The following ZNF385D variants were observed in gnomAD, a reference collection of about 807,000 sequenced individuals.
The protein encoded by ZNF385D is zinc finger protein 659.
Under a neutral mutation model 35.8 loss-of-function variants are expected in ZNF385D, and 15 were observed. The observed-to-expected ratio is 0.42, with a 90% CI of 0.28 to 0.64. The LOEUF is 0.64. ZNF385D is among the 30% of genes least tolerant of loss of function. The pLI is 0.23. For missense variants in ZNF385D, 474 were observed against 494.6 expected (o/e 0.96, Z 0.39); for synonymous variants, 212 against 186.8 (o/e 1.13, Z -1.10).
At chr3:21,773,169 T>C (rs141720259) in intron 3 of ZNF385D, among the ~76,000 whole-genome samples, 8 of 152,022 alleles carry the variant, frequency 5.3e-5, no homozygotes, top group Non-Finnish European at 7.4e-5. Context: ...TTTAATACCA[T>C]TGAACTGTAC....
At chr3:21,736,834 T>A (rs1213631587) in intron 1 of ZNF385D, among the ~76,000 whole-genome samples, 2 of 152,250 alleles carry the variant, frequency 1.3e-5, no homozygotes, top group African/African-American at 2.4e-5. Flanking sequence ...ATTATTCTAC[T>A]TTTTAATGAT....
At chr3:22,356,861 A>C (rs1008459121) in intron 2 of ZNF385D, among the ~76,000 whole-genome samples, 3 of 151,946 alleles carry the variant, frequency 2.0e-5, no homozygotes, top group Non-Finnish European at 1.5e-5. Flanking sequence ...AGAAAGAATA[A>C]GATAATATCA....
chr3:21,476,478 T>A (rs1704258879), intron 4 of ZNF385D, among the ~76,000 whole-genome samples: 1 of 152,084 alleles, frequency 6.6e-6, no homozygotes, highest in Admixed American at 6.6e-5. Context: ...TTGAGCTCAA[T>A]TATCTCCCTC....
At chr3:21,662,314 TTGA>T (rs1041846882) in intron 2 of ZNF385D, among the ~76,000 whole-genome samples, 8 of 152,128 alleles carry the variant, frequency 5.3e-5, no homozygotes, top group African/African-American at 1.9e-4. Flanking sequence ...GATAAATAAC[TTGA>T]TGATCAGAGG....
At chr3:21,732,019 CTTTTTTCGGGGTTTTTTTT>C (rs2069021867) in intron 1 of ZNF385D, among the ~76,000 whole-genome samples, 1 of 58,638 alleles carries the variant, frequency 1.7e-5, no homozygotes, top group Admixed American at 1.5e-4. Flanking sequence ...GGGTTTTTTT[CTTTTTTCGGGGTTTTTTTT>C]TTTTTTTTTT....
intron 3 of ZNF385D, among the ~76,000 whole-genome samples, chr3:21,822,759 TATA>T (rs1694347629): frequency 6.6e-6 from 1 of 151,878 alleles, no homozygotes; most frequent in South Asian, 2.1e-4. Context: ...AGAAATAAAG[TATA>T]ATGATATTCA....
intron 3 of ZNF385D, among the ~76,000 whole-genome samples, chr3:21,533,188 A>ATCT (rs1490363625): frequency 4.6e-5 from 7 of 151,752 alleles, no homozygotes; most frequent in Non-Finnish European, 1.0e-4. Flanking sequence ...GCAGCTCTAA[A>ATCT]TCTTCCCAAT....
intron 2 of ZNF385D, among the ~76,000 whole-genome samples, chr3:21,656,714 C>T (rs2066081477): frequency 6.6e-6 from 1 of 151,836 alleles, no homozygotes; most frequent in Non-Finnish European, 1.5e-5. Context: ...TCAGGAGTCC[C>T]AGTTTTCTCT....
intron 2 of ZNF385D, among the ~76,000 whole-genome samples, chr3:22,210,890 T>C (rs1697476205): frequency 6.6e-6 from 1 of 151,968 alleles, no homozygotes; most frequent in Non-Finnish European, 1.5e-5. Flanking sequence ...ATCAAATGAC[T>C]GATTCAGCAA....
intron 3 of ZNF385D, among the ~76,000 whole-genome samples, chr3:21,531,859 C>A (rs567876038): frequency 1.2e-4 from 19 of 152,136 alleles, no homozygotes; most frequent in Admixed American, 2.6e-4. Context: ...ATATACGACA[C>A]CAATTACGAA....
intron 1 of ZNF385D, among the ~76,000 whole-genome samples, chr3:21,695,619 C>G (rs1253005593): frequency 6.6e-6 from 1 of 152,044 alleles, no homozygotes; most frequent in Non-Finnish European, 1.5e-5. Context: ...TGATCCTTAC[C>G]ATGCTCTACA....
intron 3 of ZNF385D, among the ~76,000 whole-genome samples, chr3:21,557,087 T>C (rs570183743): frequency 6.6e-6 from 1 of 152,336 alleles, no homozygotes; most frequent in South Asian, 2.1e-4. Context: ...TTGGGTTATC[T>C]AAATATACAA....
intron 2 of ZNF385D, among the ~76,000 whole-genome samples, chr3:22,175,803 A>G (rs2125770073): frequency 6.6e-6 from 1 of 150,930 alleles, no homozygotes; most frequent in East Asian, 1.9e-4. Context: ...CATATTTGGA[A>G]TACATATATA....
chr3:22,123,554 A>G (rs1302340672), intron 3 of ZNF385D, among the ~76,000 whole-genome samples: 1 of 152,156 alleles, frequency 6.6e-6, no homozygotes, highest in Non-Finnish European at 1.5e-5. Context: ...TATAAAATGT[A>G]CAACAAAAAA....
At chr3:22,134,599 T>C (rs1433897662) in intron 3 of ZNF385D, among the ~76,000 whole-genome samples, 1 of 152,138 alleles carries the variant, frequency 6.6e-6, no homozygotes, top group Non-Finnish European at 1.5e-5. Flanking sequence ...AAAGAGGCCA[T>C]ACCTAACATA....
At chr3:22,019,776 G>A (rs957836342) in intron 3 of ZNF385D, among the ~76,000 whole-genome samples, 5 of 151,676 alleles carry the variant, frequency 3.3e-5, no homozygotes, top group African/African-American at 1.2e-4. Context: ...TGCGGGAACT[G>A]GGGAAAAATA....
At chr3:21,449,752 C>A (rs1006127578) in intron 4 of ZNF385D, among the ~76,000 whole-genome samples, 2 of 152,114 alleles carry the variant, frequency 1.3e-5, no homozygotes, top group Non-Finnish European at 2.9e-5. Context: ...AATGAAAAAG[C>A]CTTATCATGG....
chr3:22,297,652 C>T (rs1435415678), intron 2 of ZNF385D, among the ~76,000 whole-genome samples: 1 of 152,002 alleles, frequency 6.6e-6, no homozygotes, highest in Non-Finnish European at 1.5e-5. Context: ...TCAGGCTGTT[C>T]TTTTCTTCCT....
chr3:22,275,707 A>G (rs1271918639), intron 2 of ZNF385D, among the ~76,000 whole-genome samples: 2 of 152,184 alleles, frequency 1.3e-5, no homozygotes, highest in African/African-American at 4.8e-5. Context: ...ATATCCTTAT[A>G]TCTGGTGATG....
Sources: allele counts gnomAD v4.1 joint callset (sites outside exome capture counted in the v4.1 genomes callset), GRCh38; gene constraint gnomAD v4.1.1; transcripts MANE v1.5; gene names NCBI Gene and HGNC (gene_info 2026-07-23, HGNC 2026-07-21).